VPS13D: variants seen among roughly 807,000 people sequenced by gnomAD.
VPS13D encodes vacuolar protein sorting 13 homolog D, also known as intermembrane lipid transfer protein VPS13D.
Under a neutral mutation model 461.9 loss-of-function variants are expected in VPS13D, and 187 were observed. The observed-to-expected ratio is 0.40, with a 90% CI of 0.36 to 0.46. The LOEUF is 0.46. Ranked by LOEUF, VPS13D falls within the 20% of genes least tolerant of loss-of-function variation. The pLI, the probability that VPS13D is intolerant of heterozygous loss-of-function variation, is 0.60. For synonymous variants in VPS13D, 1,951 were observed against 1,986.3 expected (o/e 0.98, Z 0.47); for missense variants, 4,711 against 5,364.9 (o/e 0.88, Z 3.81).
At chr1:12,459,351 C>T (rs1199635337) in intron 66 of VPS13D, among the ~76,000 whole-genome samples, 3 of 152,148 alleles carry the variant, frequency 2.0e-5, no homozygotes, top group East Asian at 3.8e-4. Context: ...ACCTACAGCA[C>T]ATTATGTAAG....
intron 30 of VPS13D, among the ~76,000 whole-genome samples, chr1:12,316,179 T>TTGTCTCC (rs1420372185): frequency 1.2e-4 from 19 of 152,330 alleles, no homozygotes; most frequent in African/African-American, 4.6e-4. Context: ...TGTCAGGTAG[T>TTGTCTCC]TGTCTCCTTC....
chr1:12,260,768 T>A lies in VPS13D; in HGVS notation c.1186T>A (p.Phe396Ile). Residue 396 changes from phenylalanine to isoleucine, a missense_variant, in exon 11 of 70, where the codon TTT (phenylalanine) becomes ATT (isoleucine). By Grantham distance (21) the Phe-to-Ile change is conservative. Coordinates refer to ENST00000620676, the MANE Select transcript of VPS13D (RefSeq NM_015378.4). ...KILRELVHDR[F>I]HKQEELAESL... is the part of the protein sequence containing the mutation. ...TTTGCGTGAACTGGTTCATGATCGA[T>A]TTCACAAACAGGAAGAACTAGCAGA... The A allele has an allele frequency of 6.2e-7, 1 of 1,614,180 alleles. No homozygotes were observed.
intron 67 of VPS13D, among the ~76,000 whole-genome samples, chr1:12,467,763 A>T (rs1645508266): frequency 6.6e-6 from 1 of 152,160 alleles, no homozygotes; most frequent in African/African-American, 2.4e-5. Context: ...CCCAAGAGTC[A>T]TTTTTATGCA....
intron 41 of VPS13D, 75 bp from the exon 42 acceptor site, chr1:12,342,824 C>T (rs1326152432): frequency 6.7e-7 from 1 of 1,499,520 alleles, no homozygotes; most frequent in South Asian, 1.4e-5. Flanking sequence ...AGGTTCTGCT[C>T]TTCTGCACGG....
intron 67 of VPS13D, among the ~76,000 whole-genome samples, chr1:12,490,696 A>G (rs1645866737): frequency 6.6e-6 from 1 of 151,838 alleles, no homozygotes; most frequent in Admixed American, 6.6e-5. Flanking sequence ...GGTCTGAGAT[A>G]GATGCAGCCC....
At chr1:12,303,631 A>G (rs1471902699) in intron 25 of VPS13D, among the ~76,000 whole-genome samples, 1 of 152,216 alleles carries the variant, frequency 6.6e-6, no homozygotes, top group Non-Finnish European at 1.5e-5. Flanking sequence ...GAAAGGGAGC[A>G]GTGTTTTTGT....
Position 12,279,525 on chromosome 1 carries a change from A to G in VPS13D, c.4477A>G (p.Ile1493Val). 6.2e-7 allele frequency: 1 copy of G among 1,606,262 alleles called. No individual in the cohort carries two copies. The highest frequency in any genetic ancestry group is 8.5e-7 in the Non-Finnish European group (1 of 1,174,714). Residue 1493 changes from isoleucine to valine, a missense_variant, in exon 20 of 70, where the codon ATT becomes GTT. By Grantham distance (29) the Ile-to-Val change is conservative. Coordinates refer to ENST00000620676, the MANE Select transcript of VPS13D (RefSeq NM_015378.4). This position sits in a 1 kb window ranked among gnomAD's most constrained non-coding sequence, Gnocchi z 4.3. Reference protein sequence around the residue: ...QAFHILNNTTIQFKLEKIPIE... With the variant: ...QAFHILNNTTVQFKLEKIPIE... The stretch of plus-strand genomic sequence containing the variant: ...TTTTCACATCCTGAACAACACCACC[A>G]TTCAGTTTAAACTGGAGAAGATCCC...
intron 5 of VPS13D, among the ~76,000 whole-genome samples, chr1:12,245,977 T>C (rs1013479013): frequency 6.6e-6 from 1 of 152,218 alleles, no homozygotes; most frequent in Non-Finnish European, 1.5e-5. Flanking sequence ...ATTGTATGGA[T>C]TGTCAAAGAT....
At chr1:12,244,956 A>G (rs1454124575) in intron 5 of VPS13D, among the ~76,000 whole-genome samples, 1 of 152,150 alleles carries the variant, frequency 6.6e-6, no homozygotes, top group Non-Finnish European at 1.5e-5. Flanking sequence ...CTTGACCTTG[A>G]TGACTGTATG....
chr1:12,258,004 C>T lies in VPS13D; in HGVS notation c.1011C>T (p.Cys337=). The change falls in exon 10 of 70, where the codon TGC becomes TGT. Residue 337 remains cysteine (C), a synonymous_variant. Transcript: ENST00000620676. The part of the protein sequence containing the change: ...LYEIREQRKR[C]TWDFMLHRAR... Reference sequence around the variant, plus strand: ...AGATCAGAGAGCAGAGGAAACGTTGCACCTGGGACTTTATGTTGCACCGCG... The same window carrying T: ...AGATCAGAGAGCAGAGGAAACGTTGTACCTGGGACTTTATGTTGCACCGCG... 1.2e-6 allele frequency: 2 copies of T among 1,614,194 alleles called. No homozygotes were observed. Among genetic ancestry groups the T allele is most frequent in the Non-Finnish European group, 1.7e-6 (2 of 1,180,036 alleles).
intron 24 of VPS13D, among the ~76,000 whole-genome samples, chr1:12,297,451 G>A (rs6689947): frequency 0.014 from 2,083 of 152,244 alleles, 64 homozygotes; most frequent in African/African-American, 0.048. Context: ...AATGCTGTGC[G>A]TTAGAAATCT....
At chr1:12,395,996 G>GAGATAT (rs1300735333) in intron 60 of VPS13D, among the ~76,000 whole-genome samples, 1 of 73,806 alleles carries the variant, frequency 1.4e-5, no homozygotes, top group Non-Finnish European at 2.3e-5. Context: ...ACTAATAGGA[G>GAGATAT]ATATATATAT....
At chr1:12,357,336 A>C (rs1643894516) in intron 49 of VPS13D, among the ~76,000 whole-genome samples, 1 of 152,156 alleles carries the variant, frequency 6.6e-6, no homozygotes, top group Admixed American at 6.5e-5. Context: ...GATTGATGAG[A>C]GTTCTGGATA....
At chr1:12,506,568 A>T (rs147604118) in intron 68 of VPS13D, among the ~76,000 whole-genome samples, 95 of 152,272 alleles carry the variant, frequency 6.2e-4, no homozygotes, top group African/African-American at 2.0e-3. Context: ...CCAGGCAGTG[A>T]ACTTTCTCAG....
At chr1:12,322,827 A>G in intron 34 of VPS13D, 81 bp downstream of exon 34, 2 of 1,171,098 alleles carry the variant, frequency 1.7e-6, no homozygotes, top group Non-Finnish European at 2.5e-6. Context: ...CTTTTGCACA[A>G]CTAAATTGTA....
rs200525345 is a variant in VPS13D at position 12,455,972 on chromosome 1, C to G, written c.12334-26C>G. 2.5e-6 allele frequency: 4 copies of G among 1,581,626 alleles called. No individual in the cohort carries two copies. The East Asian group carries it at 9.0e-5, about 36-fold the overall frequency. The stretch of plus-strand genomic sequence containing the variant: ...AAAATAGTGCCAAGACTTTAAAACT[C>G]TTCTCCTGCTTTTAACTCCTTCTAG... On this transcript the variant is annotated intron_variant, in intron 65 of 69. Coordinates refer to ENST00000620676, the MANE Select transcript of VPS13D (RefSeq NM_015378.4).
intron 10 of VPS13D, among the ~76,000 whole-genome samples, chr1:12,259,197 A>G (rs533530524): frequency 2.6e-5 from 4 of 151,516 alleles, no homozygotes; most frequent in Admixed American, 1.3e-4. Context: ...CCGCATCACA[A>G]CTGTCTAATT....
At chr1:12,352,964 T>TGAAAA (rs1643829341) in intron 46 of VPS13D, among the ~76,000 whole-genome samples, 1 of 4,180 alleles carries the variant, frequency 2.4e-4, no homozygotes, top group Admixed American at 3.4e-3. Flanking sequence ...AAACTCAGTC[T>TGAAAA]CAAAAAAAAA....
chr1:12,400,942 A>T (rs1644567036), intron 61 of VPS13D, among the ~76,000 whole-genome samples: 1 of 147,426 alleles, frequency 6.8e-6, no homozygotes, highest in African/African-American at 2.5e-5. Flanking sequence ...TGATAGAGTG[A>T]GATGTGCACC....
Sources: gnomAD v4.1 joint callset for allele counts (sites outside exome capture counted in the v4.1 genomes callset) on GRCh38, gnomAD v4.1.1 for gene constraint, Gnocchi (gnomAD v3.1) non-coding constraint, MANE v1.5 for transcripts, NCBI Gene and HGNC (gene_info 2026-07-23, HGNC 2026-07-21) for gene names.